Variants in CUBN observed in about 807,000 individuals in gnomAD.
CUBN encodes 460 kDa receptor.
Under a neutral mutation model 405.3 loss-of-function variants are expected in CUBN, and 282 were observed. The observed-to-expected ratio is 0.70, with a 90% CI of 0.63 to 0.77. The LOEUF (loss-of-function observed/expected upper bound fraction) is 0.77. CUBN is among the 30% of genes least tolerant of loss of function. The pLI, the probability that CUBN is intolerant of heterozygous loss-of-function variation, is 0.00. For synonymous variants in CUBN, 1,684 were observed against 1,617.0 expected, an observed-to-expected ratio of 1.04 and a Z score of -0.99; for missense variants, 4,514 against 4,475.2, an observed-to-expected ratio of 1.01 and a Z score of -0.25.
intron 31 of CUBN, among the ~76,000 whole-genome samples, chr10:16,956,744 T>C (rs555468366): frequency 9.2e-5 from 14 of 152,302 alleles, no homozygotes; most frequent in East Asian, 3.9e-4. Context: ...AATACACCAA[T>C]TGAATCTTAA....
intron 15 of CUBN, 50 bp from the exon 16 acceptor site, chr10:17,085,809 A>C: frequency 6.6e-7 from 1 of 1,515,886 alleles, no homozygotes; most frequent in Non-Finnish European, 9.1e-7. Context: ...GATTTTTAAC[A>C]AACTAGGTCA....
chr10:16,934,439 C>A (rs1305192228), intron 39 of CUBN, among the ~76,000 whole-genome samples: 2 of 152,164 alleles, frequency 1.3e-5, no homozygotes, highest in Non-Finnish European at 2.9e-5. Flanking sequence ...GTCCTGATTT[C>A]TTTACCCTAT....
At chr10:17,097,861 G>C (rs754325535) in intron 14 of CUBN, among the ~76,000 whole-genome samples, 1 of 152,056 alleles carries the variant, frequency 6.6e-6, no homozygotes, top group Non-Finnish European at 1.5e-5. Flanking sequence ...GGAACAAAAG[G>C]TGTGGGTTTT....
Position 17,127,875 on chromosome 10 carries a change from C to T in CUBN, c.302G>A (p.Gly101Asp), listed in dbSNP as rs1410564953. 4 of 1,613,076 alleles carry T rather than the reference C, an allele frequency of 2.5e-6. No homozygotes were observed. The Admixed American group carries it at 6.7e-5, about 27-fold the overall frequency. The change falls in exon 3 of 67, where the codon GGT becomes GAT. Residue 101 changes from glycine to aspartate, a missense_variant. This residue lies in a region of CUBN where 1,448 missense variants were observed against 1,388.0 expected (regional missense o/e 1.04). Transcript: ENST00000377833. ...TTGACTAGATATATTTTGAGGCAGA[C>T]CAATTGCACTCCCTTTTAACTCTAT... ...DIIELKGSAI[G>D]LPQNISSQIY...
At chr10:16,858,685 A>C (rs1237231374) in intron 59 of CUBN, among the ~76,000 whole-genome samples, 1 of 152,248 alleles carries the variant, frequency 6.6e-6, no homozygotes, top group Non-Finnish European at 1.5e-5. Context: ...TTCACAAAGA[A>C]AAATGAAGTG....
intron 60 of CUBN, among the ~76,000 whole-genome samples, chr10:16,843,453 G>A (rs1839418328): frequency 6.6e-6 from 1 of 152,122 alleles, no homozygotes; most frequent in African/African-American, 2.4e-5. Context: ...AAAAAGAAAT[G>A]CACCACTAGA....
Position 17,019,815 on chromosome 10 carries a change from G to A in CUBN, c.4168+18C>T, listed in dbSNP as rs1367204949. On this transcript the variant is annotated intron_variant, in intron 28 of 66. Coordinates refer to ENST00000377833, the MANE Select transcript of CUBN (RefSeq NM_001081.4). ...AAATAGCAACTGCAAATACAACTGA[G>A]ATCAGCACCTGGCTTACCGTAAACA... 6.2e-7 allele frequency: 1 copy of A among 1,614,010 alleles called. No individual in the cohort carries two copies. Among genetic ancestry groups the A allele is most frequent in the South Asian group, 1.1e-5 (1 of 91,072 alleles).
chr10:16,838,227 G>A (rs7923308), intron 62 of CUBN, among the ~76,000 whole-genome samples: 6,668 of 152,146 alleles, frequency 0.044, 193 homozygotes, highest in Non-Finnish European at 0.063. Context: ...ACACAACCTG[G>A]ACTTTTCTTT....
At chr10:16,831,134 T>C in intron 65 of CUBN, 118 bp downstream of exon 65, 2 of 894,158 alleles carry the variant, frequency 2.2e-6, no homozygotes, top group Non-Finnish European at 3.7e-6. Context: ...TCTCTATTCT[T>C]AACATAAACT....
chr10:17,043,458 G>A (rs910730648), intron 26 of CUBN, among the ~76,000 whole-genome samples: 3 of 152,100 alleles, frequency 2.0e-5, no homozygotes, highest in African/African-American at 7.2e-5. Context: ...AATGTGTGAG[G>A]CAAATGAAAA....
intron 31 of CUBN, among the ~76,000 whole-genome samples, chr10:16,970,123 T>C (rs1264295093): frequency 6.6e-6 from 1 of 152,208 alleles, no homozygotes; most frequent in Non-Finnish European, 1.5e-5. Context: ...CACCTGGCAG[T>C]GTCTGGTACA....
intron 48 of CUBN, among the ~76,000 whole-genome samples, chr10:16,913,463 C>T (rs1841790849): frequency 6.6e-6 from 1 of 152,156 alleles, no homozygotes; most frequent in African/African-American, 2.4e-5. Flanking sequence ...CTGCTCAGAA[C>T]TTTCGTGGTG....
In CUBN at chr10:16,874,417, G is replaced by T. The variant is rs779036735; in HGVS notation, c.9193C>A (p.Leu3065Met). 5.0e-6 allele frequency: 8 copies of T among 1,614,038 alleles called. No individual in the cohort carries two copies. The highest frequency in any genetic ancestry group is 6.8e-6 in the Non-Finnish European group (8 of 1,179,884). Residue 3065 changes from leucine (L) to methionine (M), a missense_variant, in exon 58 of 67, where the codon CTG becomes ATG. Physicochemically the swap from Leu to Met is conservative, Grantham distance 15. Coordinates refer to ENST00000377833, the MANE Select transcript of CUBN (RefSeq NM_001081.4). The part of the protein sequence containing the change: ...YADYPNDMHC[L>M]YTITVSDDKV... ...TCGTCACTAACGGTGATGGTATACA[G>T]ACAGTGCATATCATTTGGGTAGTCT...
chr10:17,129,398 CT>C (rs1837269689), intron 1 of CUBN, 148 bp from the exon 2 acceptor site: 7 of 1,024,722 alleles, frequency 6.8e-6, no homozygotes, highest in Non-Finnish European at 1.0e-5. Context: ...TCATCTGCCA[CT>C]TTTTTCTCTG....
At chr10:16,919,898 T>G in intron 44 of CUBN, 65 bp downstream of exon 44, 14 of 1,525,710 alleles carry the variant, frequency 9.2e-6, no homozygotes, top group Non-Finnish European at 1.3e-5. Flanking sequence ...TGGACTGTTT[T>G]GAGACATGAC....
At chr10:17,020,856 T>C (rs1834478291) in intron 27 of CUBN, among the ~76,000 whole-genome samples, 1 of 152,230 alleles carries the variant, frequency 6.6e-6, no homozygotes, top group Non-Finnish European at 1.5e-5. Flanking sequence ...TGTTTGATAC[T>C]TCAAATGTTT....
At chr10:17,021,983 G>A (rs898857997) in intron 27 of CUBN, among the ~76,000 whole-genome samples, 1 of 152,110 alleles carries the variant, frequency 6.6e-6, no homozygotes, top group Admixed American at 6.5e-5. Flanking sequence ...ATGAATGAAC[G>A]CAGTGATTTC....
Position 16,874,499 on chromosome 10 carries a change from A to C in CUBN, c.9111T>G (p.Cys3037Trp). 1 of 1,614,180 alleles carries C rather than the reference A, an allele frequency of 6.2e-7. No individual in the cohort carries two copies. Among genetic ancestry groups the C allele is most frequent in the Non-Finnish European group, 8.5e-7 (1 of 1,180,010 alleles). Reference protein sequence around the residue: ...GFKFSYRIISCGGVFNFSSGI... With the variant: ...GFKFSYRIISWGGVFNFSSGI... ...CAGAAGAGAAATTGAACACACCACC[A>C]CAGGCTGCAACAGAAGACAAGGGAA... The change falls in exon 58 of 67, where the codon TGT becomes TGG. Residue 3037 changes from cysteine to tryptophan, a missense_variant. Cys to Trp is a radical substitution (Grantham distance 215). Transcript: ENST00000377833.
At chr10:17,116,526 C>T (rs951644402) in intron 6 of CUBN, among the ~76,000 whole-genome samples, 4 of 152,142 alleles carry the variant, frequency 2.6e-5, no homozygotes, top group African/African-American at 7.2e-5. Context: ...CTGTTGGTGC[C>T]AGGGGTCAGA....
Sources: allele counts gnomAD v4.1 joint callset (sites outside exome capture counted in the v4.1 genomes callset), GRCh38; gene constraint gnomAD v4.1.1; regional missense constraint gnomAD v4.1.1; transcripts MANE v1.5; gene names NCBI Gene and HGNC (gene_info 2026-07-23, HGNC 2026-07-21).